Variants in SLC6A9 observed in about 807,000 individuals in gnomAD.
SLC6A9 encodes the protein solute carrier family 6 member 9, also known as sodium- and chloride-dependent glycine transporter 1.
In SLC6A9, 31 loss-of-function variants were observed where a neutral mutation model predicts 70.9. The observed-to-expected ratio is 0.44, with a 90% CI of 0.33 to 0.59. The LOEUF is 0.59. SLC6A9 is among the 20% of genes least tolerant of loss of function. The pLI, the probability that SLC6A9 is intolerant of heterozygous loss-of-function variation, is 0.04. For synonymous variants in SLC6A9, 310 were observed against 341.3 expected, an observed-to-expected ratio of 0.91 and a Z score of 1.01; for missense variants, 631 against 845.2, an observed-to-expected ratio of 0.75 and a Z score of 3.14.
rs140612529 is a variant in SLC6A9 at position 44,025,098 on chromosome 1, A to G, written c.-85-736T>C. Among the ~76,000 whole-genome samples, 244 of 152,224 alleles carry G rather than the reference A, an allele frequency of 1.6e-3. 1 individual carries two copies. Among genetic ancestry groups the G allele is most frequent in the African/African-American group, 5.4e-3 (225 of 41,454 alleles). On this transcript the variant is annotated intron_variant, in intron 1 of 13. Coordinates refer to ENST00000372310, the MANE Select transcript of SLC6A9 (RefSeq NM_001024845.3). The stretch of plus-strand genomic sequence containing the variant: ...CACTTATTTGCTTATAAGTTCGTCA[A>G]CTATGAGTCAGTGAGTTCCCCGAGG...
chr1:44,001,064 C>G lies in SLC6A9; in HGVS notation c.1336-9G>C, dbSNP rs2086080391. 2 of 1,592,474 alleles carry G rather than the reference C, an allele frequency of 1.3e-6. No individual in the cohort carries two copies. The highest frequency in any genetic ancestry group is 1.7e-6 in the Non-Finnish European group (2 of 1,167,780). ...AGCCAATAGATGCCTGCCTGGGGAACAGCGGGCAGCTGTGGGAGGCGCCTG... is the reference window on the plus strand; with the variant it reads ...AGCCAATAGATGCCTGCCTGGGGAAGAGCGGGCAGCTGTGGGAGGCGCCTG... On this transcript the variant is annotated splice_polypyrimidine_tract_variant and intron_variant, in intron 10 of 13. Coordinates refer to ENST00000372310, the MANE Select transcript of SLC6A9 (RefSeq NM_001024845.3).
intron 5 of SLC6A9, among the ~76,000 whole-genome samples, chr1:44,007,838 G>A (rs1215569197): frequency 2.0e-5 from 3 of 151,608 alleles, no homozygotes; most frequent in South Asian, 2.1e-4. Context: ...CCTTCCTCAC[G>A]GCTACTCTGT....
chr1:44,005,127 A>G (rs1469834129), intron 5 of SLC6A9, among the ~76,000 whole-genome samples: 1 of 152,226 alleles, frequency 6.6e-6, no homozygotes, highest in Non-Finnish European at 1.5e-5. Flanking sequence ...GCCACAGCTA[A>G]TATGCGACAG....
At chr1:43,998,146 G>T in intron 12 of SLC6A9, 121 bp from the exon 13 acceptor site, 1 of 930,408 alleles carries the variant, frequency 1.1e-6, no homozygotes, top group Non-Finnish European at 1.6e-6. Context: ...ATTTGGGGCA[G>T]AACAGGGACA....
rs200221193 is a variant in SLC6A9 at position 44,011,739 on chromosome 1, C to T, written c.31-857G>A. 50 of 1,613,046 alleles carry T rather than the reference C, an allele frequency of 3.1e-5. No individual in the cohort carries two copies. The East Asian group carries it at 5.6e-4, about 18-fold the overall frequency. On this transcript the variant is annotated intron_variant, in intron 2 of 13. Coordinates refer to ENST00000372310, the MANE Select transcript of SLC6A9 (RefSeq NM_001024845.3). ...AAGCGTCACCTGCAGGGGAGGGGGC[C>T]GAAGGTCAGGAGAGGCAGATGCGGG...
chr1:44,000,721 G>T, intron 12 of SLC6A9, 46 bp downstream of exon 12: 1 of 1,284,710 alleles, frequency 7.8e-7, no homozygotes, highest in Non-Finnish European at 1.1e-6. Flanking sequence ...ATGGACACAT[G>T]GCCAAGGGGC....
At chr1:44,020,361 G>C (rs2086858706) in intron 2 of SLC6A9, among the ~76,000 whole-genome samples, 1 of 152,206 alleles carries the variant, frequency 6.6e-6, no homozygotes. Flanking sequence ...AGCCCCTGTG[G>C]TGTGCTAGGT....
chr1:44,000,202 T>C (rs1424529387), intron 12 of SLC6A9, among the ~76,000 whole-genome samples: 2 of 152,244 alleles, frequency 1.3e-5, no homozygotes, highest in Non-Finnish European at 2.9e-5. Context: ...CCATGGTGGA[T>C]TCCTTCCACC....
intron 5 of SLC6A9, 122 bp downstream of exon 5, chr1:44,008,231 T>C: frequency 4.2e-6 from 4 of 958,700 alleles, no homozygotes; most frequent in Non-Finnish European, 4.9e-6. Flanking sequence ...ACCTCTACCC[T>C]CTCCCAGCCC....
intron 2 of SLC6A9, among the ~76,000 whole-genome samples, chr1:44,019,510 C>G (rs533586439): frequency 2.6e-4 from 39 of 152,394 alleles, no homozygotes; most frequent in Admixed American, 1.0e-3. Flanking sequence ...GGGCCACTGG[C>G]TCCAGGAAGG....
chr1:44,001,729 C>CT (rs1178326387), intron 8 of SLC6A9, 102 bp from the exon 9 acceptor site: 507 of 826,366 alleles, frequency 6.1e-4, no homozygotes, highest in Non-Finnish European at 7.8e-4. Flanking sequence ...ACCCCCAACT[C>CT]TTTTTTTTTG....
chr1:44,018,829 C>T lies in SLC6A9; in HGVS notation c.30+5419G>A, dbSNP rs1401879185. Among the ~76,000 whole-genome samples, 1 of 151,956 alleles carries T rather than the reference C, an allele frequency of 6.6e-6. No individual in the cohort carries two copies. Among genetic ancestry groups the T allele is most frequent in the East Asian group, 1.9e-4 (1 of 5,180 alleles). On this transcript the variant is annotated intron_variant, in intron 2 of 13. Transcript: ENST00000372310. The surrounding 1 kb of genome is among the most constrained non-coding windows in gnomAD (Gnocchi z 4.2). ...CCTATAGTCCCAGCTACTCAGGAGA[C>T]TGAGGAGGGAGTTTTGCTTGAGCCC...
rs3038812 is a variant in SLC6A9, at chr1:44,017,368, AACACACACACACACAC to A, written c.31-6502_31-6487del. Reference sequence around the variant, plus strand: ...CTTGTTCCCAGCAAGTAACTGGAACAACACACACACACACACACACACACACACACACACACACACA... The same window carrying A: ...CTTGTTCCCAGCAAGTAACTGGAACAACACACACACACACACACACACACA... On this transcript the variant is annotated intron_variant, in intron 2 of 13. Coordinates refer to ENST00000372310, the MANE Select transcript of SLC6A9 (RefSeq NM_001024845.3). 2.4e-3 allele frequency: 2,018 copies of A among 828,440 alleles called. 13 individuals carry two copies. In the African/African-American group the frequency reaches 0.031, roughly 13 times the overall value. The allele number at this position is 828,440 out of a possible 1,614,324, so 51.3% of individuals were successfully genotyped here.
intron 2 of SLC6A9, among the ~76,000 whole-genome samples, chr1:44,022,722 C>CTTTTTTTTTTTTTTTTTTTTT (rs71307650): frequency 1.7e-5 from 2 of 118,958 alleles, no homozygotes; most frequent in Non-Finnish European, 1.7e-5. Context: ...TTCTTTCTTT[C>CTTTTTTTTTTTTTTTTTTTTT]TTTTTTTTTT....
In SLC6A9 at chr1:44,008,634, G is replaced by T; in HGVS notation, c.320-11C>A. 1 of 1,610,750 alleles carries T rather than the reference G, an allele frequency of 6.2e-7. No homozygotes were observed. The highest frequency in any genetic ancestry group is 8.5e-7 in the Non-Finnish European group (1 of 1,177,452). On this transcript the variant is annotated splice_polypyrimidine_tract_variant and intron_variant, in intron 4 of 13. Coordinates refer to ENST00000372310, the MANE Select transcript of SLC6A9 (RefSeq NM_001024845.3). ...TACCATAGCCCACTCCTGCAGGAGGGGAGGGGTGGGGGGAGGAGCCTCAGC... is the reference window on the plus strand; with the variant it reads ...TACCATAGCCCACTCCTGCAGGAGGTGAGGGGTGGGGGGAGGAGCCTCAGC...
In SLC6A9 at chr1:44,000,946, G is replaced by A. The variant is rs201803106; in HGVS notation, c.1435+10C>T. 3.4e-5 allele frequency: 55 copies of A among 1,602,808 alleles called. No homozygotes were observed. In the African/African-American group the frequency reaches 4.8e-4, roughly 14 times the overall value. On this transcript the variant is annotated intron_variant, in intron 11 of 13. Coordinates refer to ENST00000372310, the MANE Select transcript of SLC6A9 (RefSeq NM_001024845.3). ...CCGGGTCGCGGGAGGCCGGAGGCTC[G>A]AGTGCTCACCGTAGATGTACATGAT...
chr1:44,017,536 G>A (rs886761565), intron 2 of SLC6A9, among the ~76,000 whole-genome samples: 5 of 152,214 alleles, frequency 3.3e-5, no homozygotes, highest in Non-Finnish European at 7.3e-5. Context: ...ATGAGTGACG[G>A]GGTCTGCCCC....
intron 1 of SLC6A9, among the ~76,000 whole-genome samples, chr1:44,028,784 A>C (rs1415982573): frequency 1.4e-5 from 2 of 147,488 alleles, no homozygotes; most frequent in Non-Finnish European, 2.9e-5. Context: ...AAAGAAAGAG[A>C]GAGAGAGAAA....
chr1:44,023,049 T>C (rs1280731720), intron 2 of SLC6A9, among the ~76,000 whole-genome samples: 20 of 152,044 alleles, frequency 1.3e-4, no homozygotes, highest in Non-Finnish European at 1.5e-4. Context: ...CCAGAAATCT[T>C]TGGTGAGAGA....
Sources: allele counts gnomAD v4.1 joint callset (sites outside exome capture counted in the v4.1 genomes callset), GRCh38; gene constraint gnomAD v4.1.1; non-coding constraint Gnocchi (gnomAD v3.1); transcripts MANE v1.5; gene names NCBI Gene and HGNC (gene_info 2026-07-23, HGNC 2026-07-21).